Variants in AFF3 observed in about 807,000 individuals in gnomAD.
AFF3 encodes ALF transcription elongation factor 3.
AFF3 carries 32 observed loss-of-function variants against 129.7 expected under a neutral mutation model. The ratio of observed to expected loss-of-function variants is 0.25; its 90% CI spans 0.19 to 0.33. The LOEUF is 0.33. Among genes scored for constraint, AFF3 ranks in the 10% least tolerant of loss-of-function variants. The probability of loss-of-function intolerance (pLI) is 1.00; values close to 1 mark genes in which losing one functional copy is unlikely to be tolerated. For synonymous variants in AFF3, 644 were observed against 635.4 expected (o/e 1.01, Z -0.20); for missense variants, 1,373 against 1,592.0 (o/e 0.86, Z 2.34).
At chr2:99,838,782 G>C (rs190657563) in intron 7 of AFF3, among the ~76,000 whole-genome samples, 93 of 152,280 alleles carry the variant, frequency 6.1e-4, no homozygotes, top group Middle Eastern at 3.4e-3. Flanking sequence ...CAGTTCTGAG[G>C]GGCATGAGGC....
At chr2:100,108,751 C>T (rs1314353317) in intron 2 of AFF3, among the ~76,000 whole-genome samples, 1 of 152,050 alleles carries the variant, frequency 6.6e-6, no homozygotes, top group Non-Finnish European at 1.5e-5. Flanking sequence ...TCCATAATAG[C>T]TGATTATTGC....
chr2:100,137,583 A>G (rs1692688691), intron 1 of AFF3, among the ~76,000 whole-genome samples: 1 of 151,900 alleles, frequency 6.6e-6, no homozygotes, highest in Non-Finnish European at 1.5e-5. Context: ...ATCCTGGAGG[A>G]AAGGGATTTT....
intron 21 of AFF3, 104 bp downstream of exon 21, chr2:99,560,261 T>C: frequency 8.0e-7 from 1 of 1,248,440 alleles, no homozygotes; most frequent in Admixed American, 1.9e-5. Context: ...TGGGGCTTTG[T>C]ATGTTAGAAG....
intron 7 of AFF3, among the ~76,000 whole-genome samples, chr2:99,956,182 C>T (rs1053691232): frequency 1.3e-5 from 2 of 151,690 alleles, no homozygotes; most frequent in Non-Finnish European, 2.9e-5. Context: ...CAAAGATACC[C>T]CTGGCACAAG....
chr2:99,694,405 G>C (rs1388723438), intron 11 of AFF3, among the ~76,000 whole-genome samples: 1 of 152,122 alleles, frequency 6.6e-6, no homozygotes, highest in Non-Finnish European at 1.5e-5. Flanking sequence ...GTGGCAGGCA[G>C]AGGAAGCTGG....
At chr2:99,599,825 C>G (rs1470578419) in intron 14 of AFF3, among the ~76,000 whole-genome samples, 1 of 152,142 alleles carries the variant, frequency 6.6e-6, no homozygotes, top group Non-Finnish European at 1.5e-5. Flanking sequence ...TTTAAAGAAG[C>G]CTGCTTAACT....
chr2:99,712,995 A>G (rs1678034291), intron 11 of AFF3, among the ~76,000 whole-genome samples: 1 of 152,242 alleles, frequency 6.6e-6, no homozygotes, highest in Admixed American at 6.5e-5. Flanking sequence ...CGCAAGGACA[A>G]ATACTGTATG....
At chr2:99,925,794 C>T (rs2106270691) in intron 7 of AFF3, among the ~76,000 whole-genome samples, 1 of 152,326 alleles carries the variant, frequency 6.6e-6, no homozygotes, top group African/African-American at 2.4e-5. Flanking sequence ...CTGACATGGG[C>T]TCAGCACAGA....
intron 7 of AFF3, among the ~76,000 whole-genome samples, chr2:99,944,323 T>C (rs949104255): frequency 7.2e-5 from 11 of 152,262 alleles, no homozygotes; most frequent in African/African-American, 2.7e-4. Flanking sequence ...CTTTTTGTTC[T>C]ATCTGCCAAA....
At chr2:99,865,445 C>T (rs981956101) in intron 7 of AFF3, among the ~76,000 whole-genome samples, 9 of 152,126 alleles carry the variant, frequency 5.9e-5, no homozygotes. Flanking sequence ...TTGGGTGAGC[C>T]ACACAGAGTT....
intron 20 of AFF3, among the ~76,000 whole-genome samples, chr2:99,563,895 T>C (rs904089633): frequency 6.6e-6 from 1 of 151,960 alleles, no homozygotes; most frequent in African/African-American, 2.4e-5. Context: ...TTTTGCGTGA[T>C]TCTATCGATT....
At chr2:99,975,306 T>C (rs545869768) in intron 7 of AFF3, among the ~76,000 whole-genome samples, 1 of 152,302 alleles carries the variant, frequency 6.6e-6, no homozygotes, top group South Asian at 2.1e-4. Context: ...TTTTGAATTA[T>C]CATACAAAGC....
intron 4 of AFF3, among the ~76,000 whole-genome samples, chr2:100,056,207 GA>G (rs1686773816): frequency 6.6e-6 from 1 of 151,994 alleles, no homozygotes; most frequent in Non-Finnish European, 1.5e-5. Flanking sequence ...GTGGCTGGCT[GA>G]AATCAATATT....
At chr2:100,095,737 G>A (rs1690228957) in intron 4 of AFF3, among the ~76,000 whole-genome samples, 1 of 152,200 alleles carries the variant, frequency 6.6e-6, no homozygotes, top group African/African-American at 2.4e-5. Context: ...TAAACTTCCT[G>A]TCAGTATCAC....
intron 4 of AFF3, among the ~76,000 whole-genome samples, chr2:100,037,801 T>C (rs1685089592): frequency 7.3e-6 from 1 of 136,908 alleles, no homozygotes; most frequent in Non-Finnish European, 1.5e-5. Flanking sequence ...TATAAAAATA[T>C]ATAATATATA....
chr2:99,797,871 G>A (rs1471079438), intron 8 of AFF3, among the ~76,000 whole-genome samples: 1 of 152,116 alleles, frequency 6.6e-6, no homozygotes, highest in Non-Finnish European at 1.5e-5. Flanking sequence ...AGCTGGAAAA[G>A]TTCATAACCA....
chr2:99,777,947 C>CAAAAAAAAAGAAAAAA (rs1684051826), intron 8 of AFF3, among the ~76,000 whole-genome samples: 1 of 48,340 alleles, frequency 2.1e-5, no homozygotes, highest in Non-Finnish European at 3.8e-5. Flanking sequence ...AAAGCAAAAG[C>CAAAAAAAAAGAAAAAA]AAAAAAAAAA....
chr2:99,857,888 G>A (rs1690646019), intron 7 of AFF3, among the ~76,000 whole-genome samples: 4 of 152,056 alleles, frequency 2.6e-5, no homozygotes, highest in Admixed American at 2.6e-4. Flanking sequence ...ATAAACTAAA[G>A]AAAAATAGCT....
At chr2:99,931,510 A>G (rs1696670329) in intron 7 of AFF3, among the ~76,000 whole-genome samples, 3 of 152,206 alleles carry the variant, frequency 2.0e-5, no homozygotes, top group African/African-American at 7.2e-5. Context: ...TTGGAAGAAC[A>G]CTGATGGATT....
Sources: gnomAD v4.1 joint callset for allele counts (sites outside exome capture counted in the v4.1 genomes callset) on GRCh38, gnomAD v4.1.1 for gene constraint, MANE v1.5 for transcripts, NCBI Gene and HGNC (gene_info 2026-07-23, HGNC 2026-07-21) for gene names.